RICTOR: variants seen among roughly 807,000 people sequenced by gnomAD.
The protein encoded by RICTOR is RPTOR independent companion of MTOR complex 2.
Under a neutral mutation model 214.9 loss-of-function variants are expected in RICTOR, and 49 were observed. That is an observed-to-expected ratio of 0.23 (90% CI 0.18 to 0.29). The LOEUF is 0.29. RICTOR is among the 10% of genes least tolerant of loss of function. RICTOR has a pLI of 1.00. For synonymous variants in RICTOR, 717 were observed against 711.3 expected, an observed-to-expected ratio of 1.01 and a Z score of -0.13; for missense variants, 1,625 against 2,047.0, an observed-to-expected ratio of 0.79 and a Z score of 3.98.
chr5:39,021,171 TA>T (rs760833970), intron 2 of RICTOR, 35 bp from the exon 3 acceptor site: 2 of 1,126,994 alleles, frequency 1.8e-6, no homozygotes, highest in Non-Finnish European at 2.7e-6. Flanking sequence ...AACACAATTT[TA>T]TGAGTATTTT....
At chr5:38,981,674 A>G (rs575432398) in intron 8 of RICTOR, 193 bp downstream of exon 8, 4 of 439,984 alleles carry the variant, frequency 9.1e-6, no homozygotes, top group Non-Finnish European at 1.6e-5. Flanking sequence ...TTGATGAAAT[A>G]TTCTTAAGAG....
chr5:38,990,779 A>C lies in RICTOR; in HGVS notation c.583+170T>G, dbSNP rs1200376467. 2.0e-4 allele frequency among the ~76,000 whole-genome samples: 18 copies of C among 90,130 alleles called. 1 individual carries two copies. The highest frequency in any genetic ancestry group is 1.5e-3 in the East Asian group (5 of 3,326). 59.1% of individuals were successfully genotyped at this position (90,130 alleles called of 152,430 possible). A position where few individuals can be genotyped will look rare whatever the true frequency, so the allele number is the denominator to read the frequency against. The stretch of plus-strand genomic sequence containing the variant: ...GATATATATGAGATATATGATATAT[A>C]TGAGATATATGAGATATATGATATA... On this transcript the variant is annotated intron_variant, in intron 7 of 37. Coordinates refer to ENST00000357387, the MANE Select transcript of RICTOR (RefSeq NM_152756.5).
intron 7 of RICTOR, among the ~76,000 whole-genome samples, chr5:38,986,247 G>A (rs909708432): frequency 3.3e-5 from 5 of 152,130 alleles, no homozygotes; most frequent in African/African-American, 4.8e-5. Context: ...CTGCTGCTAC[G>A]TAAGACATGC....
intron 2 of RICTOR, among the ~76,000 whole-genome samples, chr5:39,031,857 G>T (rs1756298579): frequency 2.0e-5 from 3 of 152,094 alleles, no homozygotes. Flanking sequence ...AGCATACGAA[G>T]ATTACTGTAG....
At chr5:38,959,095 C>T in intron 22 of RICTOR, 100 bp downstream of exon 22, 1 of 938,220 alleles carries the variant, frequency 1.1e-6, no homozygotes, top group South Asian at 2.4e-5. Context: ...ACTCAATTTC[C>T]ATATCATATT....
At chr5:38,976,938 C>T (rs539547556) in intron 9 of RICTOR, among the ~76,000 whole-genome samples, 8 of 152,266 alleles carry the variant, frequency 5.3e-5, no homozygotes, top group Non-Finnish European at 1.2e-4. Flanking sequence ...GAGGTATCAG[C>T]GCTATGACTG....
At chr5:38,996,669 GAATT>G in intron 6 of RICTOR, 146 bp downstream of exon 6, 1 of 497,690 alleles carries the variant, frequency 2.0e-6, no homozygotes, top group Non-Finnish European at 3.5e-6. Context: ...AAAGTTTAAT[GAATT>G]TATTTAATAT....
At chr5:39,005,084 C>G (rs1753948158) in intron 3 of RICTOR, among the ~76,000 whole-genome samples, 1 of 137,874 alleles carries the variant, frequency 7.3e-6, no homozygotes, top group Non-Finnish European at 1.5e-5. Flanking sequence ...CCCGGCCTCT[C>G]ACTCAGACTC....
Position 39,007,366 on chromosome 5 carries a change from T to G in RICTOR, c.196-3744A>C, listed in dbSNP as rs192835079. ...TCTGTCTCCTAATCTACACTTTTTA[T>G]AAGAGATTATATTAGATTAGGCCCA... is the stretch of plus-strand genomic sequence containing the variant. On this transcript the variant is annotated intron_variant, in intron 3 of 37. Transcript: ENST00000357387. Among the ~76,000 whole-genome samples the G allele has an allele frequency of 5.7e-4, 87 of 152,314 alleles. 1 individual carries two copies. Among genetic ancestry groups the G allele is most frequent in the Non-Finnish European group, 5.9e-5 (4 of 68,018 alleles).
intron 2 of RICTOR, among the ~76,000 whole-genome samples, chr5:39,062,707 T>G (rs1255713372): frequency 2.0e-5 from 3 of 152,124 alleles, no homozygotes; most frequent in Admixed American, 2.0e-4. Flanking sequence ...CCTTCTTTGT[T>G]TACAGCTTCT....
intron 3 of RICTOR, among the ~76,000 whole-genome samples, chr5:39,018,927 A>G (rs1222538358): frequency 6.6e-6 from 1 of 152,186 alleles, no homozygotes; most frequent in Non-Finnish European, 1.5e-5. Context: ...GTTCTTGAAG[A>G]AAATTAACAG....
Position 38,971,939 on chromosome 5 carries a change from GT to G in RICTOR, c.909del (p.Lys303AsnfsTer10). On this transcript the variant is annotated frameshift_variant, in exon 11 of 38. Transcript: ENST00000357387. LOFTEE classifies it high-confidence loss of function. ...RSWAGIINLC[K>X]PGNSGIQSLI... is the part of the protein sequence containing the mutation. ...AGAGACTGGATCCCAGAATTTCCAG[GT>G]TTACATAAATTAATAATACCTAAAG... is the stretch of plus-strand genomic sequence containing the variant. 2 of 1,456,538 alleles carry G rather than the reference GT, an allele frequency of 1.4e-6. No individual in the cohort carries two copies. The highest frequency in any genetic ancestry group is 1.2e-5 in the South Asian group (1 of 85,534). The allele number at this position is 1,456,538 out of a possible 1,614,324, so 90.2% of individuals were successfully genotyped here. A position where few individuals can be genotyped will look rare whatever the true frequency, so the allele number is the denominator to read the frequency against.
At chr5:38,956,561 T>G (rs1433904517) in intron 25 of RICTOR, among the ~76,000 whole-genome samples, 2 of 152,072 alleles carry the variant, frequency 1.3e-5, no homozygotes, top group African/African-American at 4.8e-5. Context: ...ATTTGCCTAC[T>G]TACTCCTCAA....
chr5:38,942,647 G>A (rs539798490), intron 37 of RICTOR, among the ~76,000 whole-genome samples, 186 bp downstream of exon 37: 2 of 151,058 alleles, frequency 1.3e-5, no homozygotes, highest in South Asian at 2.1e-4. Context: ...GTGTTGACAC[G>A]GTCTCACTAT....
intron 2 of RICTOR, among the ~76,000 whole-genome samples, chr5:39,023,886 T>C (rs548526555): frequency 9.8e-5 from 15 of 152,316 alleles, no homozygotes; most frequent in African/African-American, 3.4e-4. Context: ...AGATCAATCA[T>C]TGGATTTTCA....
At position 38,971,782 on chromosome 5, in the gene RICTOR, G is replaced by A. The variant is rs965110019; in HGVS notation, c.972+95C>T. The A allele has an allele frequency of 7.6e-6, 5 of 655,280 alleles. No individual in the cohort carries two copies. In the African/African-American group the frequency reaches 9.3e-5, roughly 12 times the overall value. 40.6% of individuals were successfully genotyped at this position (655,280 alleles called of 1,614,324 possible). Reference sequence around the variant, plus strand: ...AATATGATCTAGATTAACAACTAATGAGGAAAACACATCACCTGAAATAAT... The same window carrying A: ...AATATGATCTAGATTAACAACTAATAAGGAAAACACATCACCTGAAATAAT... On this transcript the variant is annotated intron_variant, in intron 11 of 37. Coordinates refer to ENST00000357387, the MANE Select transcript of RICTOR (RefSeq NM_152756.5).
chr5:38,988,518 T>C (rs1334460706), intron 7 of RICTOR, among the ~76,000 whole-genome samples: 1 of 152,182 alleles, frequency 6.6e-6, no homozygotes, highest in Non-Finnish European at 1.5e-5. Flanking sequence ...TTGCAACCCA[T>C]GCTTCTTTTG....
chr5:39,035,352 T>C (rs1756597219), intron 2 of RICTOR, among the ~76,000 whole-genome samples: 2 of 151,976 alleles, frequency 1.3e-5, no homozygotes, highest in South Asian at 4.2e-4. Context: ...CTAAGGTAGA[T>C]AAAACCACAA....
chr5:39,026,803 T>C (rs1190292940), intron 2 of RICTOR, among the ~76,000 whole-genome samples: 1 of 151,182 alleles, frequency 6.6e-6, no homozygotes, highest in East Asian at 2.0e-4. Context: ...AGGTCAGGAG[T>C]TTGAGACCAG....
Sources: allele counts gnomAD v4.1 joint callset (sites outside exome capture counted in the v4.1 genomes callset), GRCh38; gene constraint gnomAD v4.1.1; transcripts MANE v1.5; gene names NCBI Gene and HGNC (gene_info 2026-07-23, HGNC 2026-07-21).